Variants in FBP1 observed in about 807,000 individuals in gnomAD.
FBP1 encodes fructose-bisphosphatase 1.
FBP1 carries 22 observed loss-of-function variants against 29.9 expected under a neutral mutation model. The ratio of observed to expected loss-of-function variants is 0.74; its 90% confidence interval spans 0.53 to 1.05. The LOEUF is 1.05. Ranked by LOEUF, FBP1 falls within the 50% of genes least tolerant of loss-of-function variation. The probability of loss-of-function intolerance (pLI) is 0.00; values close to 1 mark genes in which losing one functional copy is unlikely to be tolerated. For missense variants in FBP1, 345 were observed against 448.2 expected, an observed-to-expected ratio of 0.77 and a Z score of 2.08; for synonymous variants, 175 against 178.6, an observed-to-expected ratio of 0.98 and a Z score of 0.16.
At chr9:94,606,788 C>CCT (rs1397564770) in intron 5 of FBP1, 27 bp downstream of exon 5, 1 of 1,608,882 alleles carries the variant, frequency 6.2e-7, no homozygotes, top group Non-Finnish European at 8.5e-7. Flanking sequence ...CCAGAACCTG[C>CCT]ACCACCCTCC....
chr9:94,624,650 T>C (rs1827998003), intron 1 of FBP1, among the ~76,000 whole-genome samples: 1 of 151,692 alleles, frequency 6.6e-6, no homozygotes, highest in East Asian at 1.9e-4. Context: ...CGAAACGCTG[T>C]CTCAAAAAAA....
Position 94,611,865 on chromosome 9 carries a change from C to T in FBP1, c.427-1804G>A, listed in dbSNP as rs918413861. Among the ~76,000 whole-genome samples, 9 of 152,290 alleles carry T rather than the reference C, an allele frequency of 5.9e-5. No homozygotes were observed. In the East Asian group the frequency reaches 7.7e-4, roughly 13 times the overall value. On this transcript the variant is annotated intron_variant, in intron 3 of 6. Coordinates refer to ENST00000375326, the MANE Select transcript of FBP1 (RefSeq NM_000507.4). ...GCACTATGCAATGTGAAGGGGTGAC[C>T]TTCACACTCAAGTGTAAGAACTTCA...
chr9:94,604,641 G>A (rs138463074), intron 6 of FBP1, among the ~76,000 whole-genome samples: 3 of 152,148 alleles, frequency 2.0e-5, no homozygotes, highest in Admixed American at 6.5e-5. Context: ...AAAATTAGTC[G>A]GGCGTGGTGG....
At chr9:94,632,096 G>A (rs1304275962) in intron 1 of FBP1, among the ~76,000 whole-genome samples, 1 of 152,134 alleles carries the variant, frequency 6.6e-6, no homozygotes, top group Non-Finnish European at 1.5e-5. Flanking sequence ...CAAATTGGAA[G>A]ATAAGCCTAA....
chr9:94,633,172 G>A (rs374862918), intron 1 of FBP1, among the ~76,000 whole-genome samples: 51 of 152,242 alleles, frequency 3.3e-4, no homozygotes, highest in African/African-American at 1.1e-3. Flanking sequence ...TAGGACCAGC[G>A]ATTTCAGAAA....
At chr9:94,616,934 TTCTC>T (rs553480504) in intron 3 of FBP1, among the ~76,000 whole-genome samples, 15 of 103,206 alleles carry the variant, frequency 1.5e-4, no homozygotes, top group South Asian at 1.3e-3. Flanking sequence ...CTCTCTCTCT[TTCTC>T]TCTCTCTCTC....
rs748255794 is a variant in FBP1 at position 94,603,531 on chromosome 9, C to T, written c.867G>A (p.Met289Ile). Residue 289 changes from methionine (M) to isoleucine (I), a missense_variant, in exon 7 of 7, where the codon ATG becomes ATA. Physicochemically the swap from Met to Ile is conservative, Grantham distance 10 (BLOSUM62 1). Coordinates refer to ENST00000375326, the MANE Select transcript of FBP1 (RefSeq NM_000507.4). The part of the protein sequence containing the change: ...LYECNPMAYV[M>I]EKAGGMATTG... Reference sequence around the variant, plus strand: ...TGGTGGCCATTCCCCCAGCCTTCTCCATGACGTAGGCCATGGGGTTGCATT... The same window carrying T: ...TGGTGGCCATTCCCCCAGCCTTCTCTATGACGTAGGCCATGGGGTTGCATT... 28 of 1,614,068 alleles carry T rather than the reference C, an allele frequency of 1.7e-5. No individual in the cohort carries two copies. The East Asian group carries it at 6.0e-4, about 35-fold the overall frequency.
At chr9:94,606,613 A>G (rs2131472654) in intron 5 of FBP1, among the ~76,000 whole-genome samples, 1 of 152,224 alleles carries the variant, frequency 6.6e-6, no homozygotes, top group Middle Eastern at 3.4e-3. Flanking sequence ...CGGAAGCCCA[A>G]TCCACTCCAT....
rs200293714 is a variant in FBP1, at chr9:94,635,996, TA to T, written c.170+3144del. Among the ~76,000 whole-genome samples the T allele has an allele frequency of 3.9e-3, 598 of 152,334 alleles. 12 individuals are homozygous for T. The highest frequency in any genetic ancestry group is 7.3e-3 in the East Asian group (38 of 5,192). ...GCATATGTAAATATGTGTTCATGTG[TA>T]AACTTATATGACTGTAAAAGAGTAT... is the stretch of plus-strand genomic sequence containing the variant. On this transcript the variant is annotated intron_variant, in intron 1 of 6. Transcript: ENST00000375326.
chr9:94,613,535 C>A lies in FBP1; in HGVS notation c.427-3474G>T, dbSNP rs572146580. Among the ~76,000 whole-genome samples, 305 of 151,496 alleles carry A rather than the reference C, an allele frequency of 2.0e-3. 1 individual carries two copies. Among genetic ancestry groups the A allele is most frequent in the African/African-American group, 7.1e-3 (294 of 41,366 alleles). ...ATCCCAACACTTTGGGAGGTCGAGG[C>A]GGGAGGATCGCCTCAGCCCAGGAGT... On this transcript the variant is annotated intron_variant, in intron 3 of 6. Transcript: ENST00000375326.
intron 3 of FBP1, among the ~76,000 whole-genome samples, chr9:94,612,970 C>A (rs2131480527): frequency 6.6e-6 from 1 of 152,304 alleles, no homozygotes; most frequent in East Asian, 1.9e-4. Context: ...AACCTCTGGA[C>A]CCTTCCTTTC....
At chr9:94,624,610 A>C (rs1025322064) in intron 1 of FBP1, among the ~76,000 whole-genome samples, 1 of 150,348 alleles carries the variant, frequency 6.7e-6, no homozygotes, top group Non-Finnish European at 1.5e-5. Context: ...CCGAGATCGC[A>C]CCATTGCACT....
At chr9:94,630,831 G>A (rs1204557076) in intron 1 of FBP1, among the ~76,000 whole-genome samples, 1 of 152,132 alleles carries the variant, frequency 6.6e-6, no homozygotes, top group Non-Finnish European at 1.5e-5. Flanking sequence ...GCTGTTTCTG[G>A]CCATGTTTGT....
chr9:94,638,625 C>CG (rs3841716), intron 1 of FBP1, among the ~76,000 whole-genome samples: 42 of 138,328 alleles, frequency 3.0e-4, no homozygotes, highest in East Asian at 9.6e-4. Flanking sequence ...AGCCTGCTTG[C>CG]GGGGGGGGCG....
chr9:94,607,380 G>A (rs1000116101), intron 4 of FBP1, among the ~76,000 whole-genome samples: 8 of 152,154 alleles, frequency 5.3e-5, no homozygotes, highest in African/African-American at 9.7e-5. Context: ...ACGGGCCACC[G>A]CAGGATCAGT....
chr9:94,610,001 C>T lies in FBP1; in HGVS notation c.487G>A (p.Ala163Thr). The T allele has an allele frequency of 6.2e-7, 1 of 1,614,184 alleles. No individual in the cohort carries two copies. The change falls in exon 4 of 7, where the codon GCC (alanine) becomes ACC (threonine). Residue 163 changes from alanine (A) to threonine (T), a missense_variant. By Grantham distance (58) the Ala-to-Thr change is moderately conservative (BLOSUM62 0). Transcript: ENST00000375326. ...ALQPGRNLVA[A>T]GYALYGSATM... The stretch of plus-strand genomic sequence containing the variant: ...GCACTGCCATACAGTGCGTAGCCGG[C>T]TGCCACCAGGTTCCGGCCTGGTTGC...
chr9:94,621,971 G>A (rs1820077995), intron 1 of FBP1, among the ~76,000 whole-genome samples: 1 of 152,152 alleles, frequency 6.6e-6, no homozygotes, highest in Non-Finnish European at 1.5e-5. Context: ...CAGGCAGAGG[G>A]TAGAAGTGAG....
At chr9:94,616,154 C>T (rs568582053) in intron 3 of FBP1, among the ~76,000 whole-genome samples, 2 of 152,086 alleles carry the variant, frequency 1.3e-5, no homozygotes, top group Non-Finnish European at 2.9e-5. Flanking sequence ...AAGTTAATGC[C>T]TTTGTGTCCT....
intron 1 of FBP1, among the ~76,000 whole-genome samples, chr9:94,623,500 C>T (rs1435627691): frequency 6.6e-6 from 1 of 152,210 alleles, no homozygotes; most frequent in Non-Finnish European, 1.5e-5. Flanking sequence ...AAAGGCCTAG[C>T]ACTAATAGGT....
Sources: gnomAD v4.1 joint callset for allele counts (sites outside exome capture counted in the v4.1 genomes callset) on GRCh38, gnomAD v4.1.1 for gene constraint, MANE v1.5 for transcripts, NCBI Gene and HGNC (gene_info 2026-07-23, HGNC 2026-07-21) for gene names.